ATF6: variants seen among roughly 807,000 people sequenced by gnomAD.
ATF6 encodes cyclic AMP-dependent transcription factor ATF-6 alpha.
Under a neutral mutation model 83.6 loss-of-function variants are expected in ATF6, and 53 were observed. That is an observed-to-expected ratio of 0.63 (90% confidence interval 0.51 to 0.80). The LOEUF (loss-of-function observed/expected upper bound fraction) is 0.80, where lower values mean the gene tolerates loss of function less well. ATF6 is among the 30% of genes least tolerant of loss of function. The pLI is 0.00. For missense variants in ATF6, 744 were observed against 797.9 expected, an observed-to-expected ratio of 0.93 and a Z score of 0.81; for synonymous variants, 288 against 285.8, an observed-to-expected ratio of 1.01 and a Z score of -0.08.
chr1:161,767,141 C>G (rs930799011), intron 1 of ATF6, among the ~76,000 whole-genome samples: 1 of 152,118 alleles, frequency 6.6e-6, no homozygotes. Flanking sequence ...GACTTTTATT[C>G]TCCTCTTGAT....
chr1:161,837,825 C>T (rs879257863), intron 9 of ATF6, among the ~76,000 whole-genome samples: 9 of 152,112 alleles, frequency 5.9e-5, no homozygotes, highest in South Asian at 4.1e-4. Context: ...ATACTAATTA[C>T]GTTTTATGCA....
Position 161,958,475 on chromosome 1 carries a change from G to A in ATF6, c.1834G>A (p.Val612Met). ...ENVINGQDYEVMMQIDCQVMD... is the reference protein window; with the variant it reads ...ENVINGQDYEMMMQIDCQVMD... ...TGTGATCAATGGGCAGGACTACGAA[G>A]TGATGATGCAGATTGACTGTCAGGT... Residue 612 changes from valine to methionine, a missense_variant, in exon 16 of 16, where the codon GTG (valine) becomes ATG (methionine). Transcript: ENST00000367942. 6.2e-7 allele frequency: 1 copy of A among 1,611,936 alleles called. No individual in the cohort carries two copies. Among genetic ancestry groups the A allele is most frequent in the South Asian group, 1.1e-5 (1 of 90,654 alleles).
In ATF6 at chr1:161,962,579, G is replaced by A. The variant is rs1398160249; in HGVS notation, c.*3925G>A. 1 of 152,206 alleles carries A rather than the reference G, an allele frequency of 6.6e-6. No homozygotes were observed. Among genetic ancestry groups the A allele is most frequent in the Non-Finnish European group, 1.5e-5 (1 of 68,038 alleles). The allele number at this position is 152,206 out of a possible 1,614,324, so 9.4% of individuals were successfully genotyped here. ...TTCTAACACATTGCAAAGTTTCAAAGTGACTTTCACTTTCAACAACATATT... is the reference window on the plus strand; with the variant it reads ...TTCTAACACATTGCAAAGTTTCAAAATGACTTTCACTTTCAACAACATATT... On this transcript the variant is annotated 3_prime_UTR_variant, in exon 16 of 16. Transcript: ENST00000367942.
chr1:161,875,579 T>C (rs1047872803), intron 14 of ATF6, among the ~76,000 whole-genome samples: 4 of 151,876 alleles, frequency 2.6e-5, no homozygotes, highest in African/African-American at 9.7e-5. Flanking sequence ...TAGTTTTCAC[T>C]TGAGGGTTCA....
intron 14 of ATF6, among the ~76,000 whole-genome samples, chr1:161,892,556 C>T (rs1425018918): frequency 6.6e-6 from 1 of 151,660 alleles, no homozygotes; most frequent in Non-Finnish European, 1.5e-5. Flanking sequence ...TTTCATTGCC[C>T]TTTCTTTTTG....
At chr1:161,821,308 T>A in intron 9 of ATF6, 147 bp downstream of exon 9, 1 of 543,932 alleles carries the variant, frequency 1.8e-6, no homozygotes, top group African/African-American at 1.9e-5. Context: ...CCTTCAAAGA[T>A]CTCATGATCC....
rs367625221 is a variant in ATF6 at position 161,811,690 on chromosome 1, T to TATCC, written c.910-7921_910-7918dup. On this transcript the variant is annotated intron_variant, in intron 7 of 15. Transcript: ENST00000367942. ...CCTACCCATCCATCCATCCATCCAC[T>TATCC]ATCCATCCATCCATCCATCCATCCA... is the stretch of plus-strand genomic sequence containing the variant. 2.8e-4 allele frequency among the ~76,000 whole-genome samples: 43 copies of TATCC among 151,006 alleles called. No individual in the cohort carries two copies. In the South Asian group the frequency reaches 3.4e-3, roughly 12 times the overall value.
intron 13 of ATF6, among the ~76,000 whole-genome samples, chr1:161,862,142 A>G (rs950645367): frequency 3.3e-5 from 5 of 152,226 alleles, no homozygotes; most frequent in African/African-American, 7.2e-5. Flanking sequence ...AGGATTCACT[A>G]ATTCATTGCT....
At chr1:161,769,570 T>A (rs1424868700) in intron 1 of ATF6, among the ~76,000 whole-genome samples, 1 of 152,184 alleles carries the variant, frequency 6.6e-6, no homozygotes, top group African/African-American at 2.4e-5. Flanking sequence ...TCAAGTGCAT[T>A]ACATTTATTG....
chr1:161,853,059 TAA>T (rs1409778797), intron 11 of ATF6, among the ~76,000 whole-genome samples, 163 bp from the exon 12 acceptor site: 1 of 152,214 alleles, frequency 6.6e-6, no homozygotes, highest in Non-Finnish European at 1.5e-5. Flanking sequence ...AAAACAACGT[TAA>T]GTGTCAACTT....
At chr1:161,950,549 GT>G (rs1688841459) in intron 15 of ATF6, among the ~76,000 whole-genome samples, 2 of 152,274 alleles carry the variant, frequency 1.3e-5, no homozygotes, top group South Asian at 4.1e-4. Context: ...ACATAAAACA[GT>G]TTTCTAGTAC....
At chr1:161,937,705 A>T (rs1253792244) in intron 15 of ATF6, among the ~76,000 whole-genome samples, 4 of 151,390 alleles carry the variant, frequency 2.6e-5, no homozygotes, top group Non-Finnish European at 1.5e-5. Flanking sequence ...ACACACGGAC[A>T]CAGGGAGGGG....
chr1:161,861,558 G>A (rs1686886642), intron 13 of ATF6, among the ~76,000 whole-genome samples: 1 of 152,044 alleles, frequency 6.6e-6, no homozygotes, highest in African/African-American at 2.4e-5. Flanking sequence ...TGGTTATAAT[G>A]GCATGGTATT....
At chr1:161,775,006 G>A (rs1299398643) in intron 1 of ATF6, among the ~76,000 whole-genome samples, 1 of 152,144 alleles carries the variant, frequency 6.6e-6, no homozygotes, top group African/African-American at 2.4e-5. Context: ...CTGGGAAAGT[G>A]CAGGGAAAGT....
intron 7 of ATF6, among the ~76,000 whole-genome samples, chr1:161,815,426 A>C (rs1471805882): frequency 2.0e-5 from 3 of 151,244 alleles, no homozygotes; most frequent in Non-Finnish European, 4.4e-5. Flanking sequence ...CCTGGCCTCA[A>C]GCGTTCCTCC....
Position 161,808,298 on chromosome 1 carries a change from G to A in ATF6, c.909+6026G>A, listed in dbSNP as rs1278482181. Among the ~76,000 whole-genome samples, 6 of 152,076 alleles carry A rather than the reference G, an allele frequency of 3.9e-5. No homozygotes were observed. The South Asian group carries it at 8.3e-4, about 21-fold the overall frequency. On this transcript the variant is annotated intron_variant, in intron 7 of 15. Coordinates refer to ENST00000367942, the MANE Select transcript of ATF6 (RefSeq NM_007348.4). ...AATTTCCCTTCTCAAAACCTTGTGG[G>A]GACTCATTCTAGGGAGACAGTCCTT...
In ATF6 at chr1:161,813,871, A is replaced by G. The variant is rs111570995; in HGVS notation, c.910-5762A>G. Reference sequence around the variant, plus strand: ...ACTATTACTTTTATTTAGTTGCATCAAGTATTTCTTTTCTTTCTTTTTTTT... The same window carrying G: ...ACTATTACTTTTATTTAGTTGCATCGAGTATTTCTTTTCTTTCTTTTTTTT... On this transcript the variant is annotated intron_variant, in intron 7 of 15. Transcript: ENST00000367942. Among the ~76,000 whole-genome samples, 1,499 of 151,606 alleles carry G rather than the reference A, an allele frequency of 9.9e-3. 8 individuals are homozygous for G. The highest frequency in any genetic ancestry group is 0.017 in the South Asian group (84 of 4,808).
chr1:161,866,980 A>G (rs1687016144), intron 14 of ATF6, among the ~76,000 whole-genome samples: 1 of 151,924 alleles, frequency 6.6e-6, no homozygotes, highest in African/African-American at 2.4e-5. Flanking sequence ...GAACTCCTGG[A>G]CTCAATAATG....
chr1:161,814,307 G>A (rs1306836878), intron 7 of ATF6, among the ~76,000 whole-genome samples: 1 of 152,194 alleles, frequency 6.6e-6, no homozygotes, highest in Non-Finnish European at 1.5e-5. Context: ...TTCTTCAAGA[G>A]GCTGTGCCCA....
Sources: allele counts gnomAD v4.1 joint callset (sites outside exome capture counted in the v4.1 genomes callset), GRCh38; gene constraint gnomAD v4.1.1; transcripts MANE v1.5; gene names NCBI Gene and HGNC (gene_info 2026-07-23, HGNC 2026-07-21).